The following OR9G4 variants were observed in gnomAD, a reference collection of about 807,000 sequenced individuals.
OR9G4 encodes olfactory receptor 9G4.
In OR9G4, 19 loss-of-function variants were observed where a neutral mutation model predicts 16.7. The observed-to-expected ratio is 1.14, with a 90% CI of 0.79 to 1.67. The LOEUF (loss-of-function observed/expected upper bound fraction) is 1.67. Among genes scored for constraint, OR9G4 ranks in the 40% most tolerant of loss-of-function variants. The pLI is 0.00. For missense variants in OR9G4, 428 were observed against 370.4 expected (o/e 1.16, Z -1.28); for synonymous variants, 182 against 146.2 (o/e 1.24, Z -1.76).
rs367951327 is a variant in OR9G4 at position 56,743,434 on chromosome 11, T to G, written c.333A>C (p.Glu111Asp). Residue 111 changes from glutamate (E) to aspartate (D), a missense_variant, in exon 2 of 2, where the codon GAA (glutamate) becomes GAC (aspartate). Coordinates refer to ENST00000641668, the MANE Select transcript of OR9G4 (RefSeq NM_001005284.2). ...ATGCCATGGCTGCCAGGAGATAGCA[T>G]TCAGTGTAGGCTACAACACAGGAAA... ...LFFSCVVAYT[E>D]CYLLAAMAYD... The G allele has an allele frequency of 7.8e-5, 126 of 1,614,090 alleles. No homozygotes were observed. In the South Asian group the frequency reaches 1.1e-3, roughly 14 times the overall value.
At chr11:56,743,813 A>G in intron 1 of OR9G4, 25 bp from the exon 2 acceptor site, 1 of 1,603,922 alleles carries the variant, frequency 6.2e-7, no homozygotes, top group Non-Finnish European at 8.5e-7. Context: ...GAAAATCATC[A>G]CTTAGTGTTT....
At chr11:56,747,848 G>A (rs1393667042) in intron 1 of OR9G4, among the ~76,000 whole-genome samples, 1 of 151,990 alleles carries the variant, frequency 6.6e-6, no homozygotes, top group African/African-American at 2.4e-5. Flanking sequence ...CTAATGTTTT[G>A]TATTTTTAGT....
chr11:56,748,410 T>C (rs887851609), intron 1 of OR9G4, among the ~76,000 whole-genome samples: 10 of 152,232 alleles, frequency 6.6e-5, no homozygotes. Context: ...ATTTTTTCAC[T>C]GTGTGAGTGA....
Position 56,743,471 on chromosome 11 carries a change from G to A in OR9G4, c.296C>T (p.Ala99Val), listed in dbSNP as rs147936706. 2.4e-4 allele frequency: 381 copies of A among 1,613,822 alleles called. 1 individual carries two copies. The highest frequency in any genetic ancestry group is 3.0e-4 in the Non-Finnish European group (358 of 1,179,962). ...DKRISLAGCG[A>V]QLFFSCVVAY... The stretch of plus-strand genomic sequence containing the variant: ...TACAACACAGGAAAAAAACAGCTGA[G>A]CCCCACATCCAGCCAAGGAAATGCG... Residue 99 changes from alanine to valine, a missense_variant, in exon 2 of 2, where the codon GCT becomes GTT. By Grantham distance (64) the Ala-to-Val change is moderately conservative (BLOSUM62 0). Coordinates refer to ENST00000641668, the MANE Select transcript of OR9G4 (RefSeq NM_001005284.2).
chr11:56,742,880 T>A lies in OR9G4; in HGVS notation c.887A>T (p.Asp296Val), dbSNP rs1455773377. The A allele has an allele frequency of 1.2e-6, 2 of 1,613,958 alleles. No individual in the cohort carries two copies. The highest frequency in any genetic ancestry group is 4.5e-5 in the East Asian group (2 of 44,898). Residue 296 changes from aspartate to valine, a missense_variant, in exon 2 of 2, where the codon GAT (aspartate) becomes GTT (valine). Physicochemically the swap from Asp to Val is radical, Grantham distance 152. Coordinates refer to ENST00000641668, the MANE Select transcript of OR9G4 (RefSeq NM_001005284.2). ...NPLIYSLRNK[D>V]IKEAFRKATQ... ...TGCTTTCCTGAAGGCCTCTTTGATA[T>A]CTTTGTTTCTCAGGCTATAGATGAG...
intron 1 of OR9G4, among the ~76,000 whole-genome samples, chr11:56,746,784 A>G (rs1858423553): frequency 6.6e-6 from 1 of 152,114 alleles, no homozygotes; most frequent in African/African-American, 2.4e-5. Flanking sequence ...TACTTTTCCA[A>G]ATTTCAGAAA....
intron 1 of OR9G4, among the ~76,000 whole-genome samples, chr11:56,747,831 T>A (rs1359934238): frequency 6.6e-6 from 1 of 152,092 alleles, no homozygotes; most frequent in East Asian, 1.9e-4. Flanking sequence ...CCCACCACCA[T>A]GCCTGGCTAA....
In OR9G4 at chr11:56,744,268, C is replaced by T. The variant is rs375732463; in HGVS notation, c.-22-480G>A. Reference sequence around the variant, plus strand: ...GGTGTTTTACCATGTTGGCCATGCTCGTCTCAAACTCCTGACCTTAGGTGA... The same window carrying T: ...GGTGTTTTACCATGTTGGCCATGCTTGTCTCAAACTCCTGACCTTAGGTGA... On this transcript the variant is annotated intron_variant, in intron 1 of 1. Transcript: ENST00000641668. Among the ~76,000 whole-genome samples, 6 of 152,056 alleles carry T rather than the reference C, an allele frequency of 3.9e-5. No individual in the cohort carries two copies. The East Asian group carries it at 9.7e-4, about 24-fold the overall frequency.
intron 1 of OR9G4, among the ~76,000 whole-genome samples, chr11:56,744,749 C>T (rs1858377615): frequency 6.6e-6 from 1 of 152,138 alleles, no homozygotes; most frequent in South Asian, 2.1e-4. Flanking sequence ...TGTAAATAAG[C>T]CTGGGTTAGT....
At chr11:56,745,912 G>A (rs1314238640) in intron 1 of OR9G4, among the ~76,000 whole-genome samples, 1 of 152,136 alleles carries the variant, frequency 6.6e-6, no homozygotes, top group Admixed American at 6.5e-5. Flanking sequence ...CCACTGTCTT[G>A]GTTGAAGTGA....
chr11:56,743,681 C>A lies in OR9G4; in HGVS notation c.86G>T (p.Gly29Val), dbSNP rs1330621786. Reference sequence around the variant, plus strand: ...TATCAAATAGAGCATCAGAAACACTCCAAATAGAATCGGCTGCCACTGGGA... The same window carrying A: ...TATCAAATAGAGCATCAGAAACACTACAAATAGAATCGGCTGCCACTGGGA... ...ADSQWQPILF[G>V]VFLMLYLITL... Residue 29 changes from glycine (G) to valine (V), a missense_variant, in exon 2 of 2, where the codon GGA becomes GTA. Physicochemically the swap from Gly to Val is moderately radical, Grantham distance 109 (BLOSUM62 -3). Transcript: ENST00000641668. The A allele has an allele frequency of 1.2e-6, 2 of 1,613,996 alleles. No individual in the cohort carries two copies. Among genetic ancestry groups the A allele is most frequent in the African/African-American group, 1.3e-5 (1 of 74,914 alleles).
At chr11:56,748,178 G>A (rs1426177056) in intron 1 of OR9G4, among the ~76,000 whole-genome samples, 1 of 152,200 alleles carries the variant, frequency 6.6e-6, no homozygotes, top group Non-Finnish European at 1.5e-5. Flanking sequence ...AGCCAATCAT[G>A]CTAAAGAATC....
chr11:56,747,700 AGT>A (rs1858440415), intron 1 of OR9G4, among the ~76,000 whole-genome samples: 1 of 143,266 alleles, frequency 7.0e-6, no homozygotes, highest in Non-Finnish European at 1.6e-5. Flanking sequence ...TTTGAGACGG[AGT>A]CTCACACTGT....
intron 1 of OR9G4, among the ~76,000 whole-genome samples, chr11:56,745,174 C>T (rs576747636): frequency 9.9e-4 from 150 of 152,278 alleles, no homozygotes; most frequent in African/African-American, 3.5e-3. Flanking sequence ...TCTGAGCTTG[C>T]AAAACATAAA....
intron 1 of OR9G4, among the ~76,000 whole-genome samples, chr11:56,747,485 C>G (rs1189275304): frequency 6.6e-6 from 1 of 152,096 alleles, no homozygotes; most frequent in Non-Finnish European, 1.5e-5. Flanking sequence ...TTTATTAAAT[C>G]TATTGCCTGC....
chr11:56,744,966 CA>C (rs1371926087), intron 1 of OR9G4, among the ~76,000 whole-genome samples: 2 of 152,164 alleles, frequency 1.3e-5, no homozygotes, highest in African/African-American at 4.8e-5. Flanking sequence ...AGTTCAAACC[CA>C]GACCTTCTTA....
chr11:56,748,425 A>G (rs1858454243), intron 1 of OR9G4, among the ~76,000 whole-genome samples: 1 of 152,240 alleles, frequency 6.6e-6, no homozygotes, highest in Non-Finnish European at 1.5e-5. Flanking sequence ...GAGTGAATAT[A>G]TGATGGCCCA....
chr11:56,745,120 C>A (rs1823042638), intron 1 of OR9G4, among the ~76,000 whole-genome samples: 1 of 152,154 alleles, frequency 6.6e-6, no homozygotes, highest in Non-Finnish European at 1.5e-5. Flanking sequence ...TTTTAACTAT[C>A]ATTATTCTGA....
Position 56,743,029 on chromosome 11 carries a change from G to A in OR9G4, c.738C>T (p.Ile246=). The A allele has an allele frequency of 6.2e-7, 1 of 1,614,096 alleles. No individual in the cohort carries two copies. The highest frequency in any genetic ancestry group is 8.5e-7 in the Non-Finnish European group (1 of 1,179,940). ...ATGATCCATAGAAGAGCATGACTGA[G>A]ATGAGGTGGGAAGCACAGGTGGAGA... The part of the protein sequence containing the change: ...KAFSTCASHL[I]SVMLFYGSLL... Residue 246 remains isoleucine (I), a synonymous_variant, in exon 2 of 2, where the codon ATC becomes ATT. Transcript: ENST00000641668.
Sources: allele counts gnomAD v4.1 joint callset (sites outside exome capture counted in the v4.1 genomes callset), GRCh38; gene constraint gnomAD v4.1.1; transcripts MANE v1.5; gene names NCBI Gene and HGNC (gene_info 2026-07-23, HGNC 2026-07-21).